The following CTNNA2 variants were observed in gnomAD, a reference collection of about 807,000 sequenced individuals.
CTNNA2 encodes catenin alpha-2.
In CTNNA2, 42 loss-of-function variants were observed where a neutral mutation model predicts 101.0. The observed-to-expected ratio is 0.42, with a 90% confidence interval of 0.32 to 0.54. CTNNA2 has a LOEUF of 0.54. Among genes scored for constraint, CTNNA2 ranks in the 20% least tolerant of loss-of-function variants. The pLI is 0.14. For missense variants in CTNNA2, 871 were observed against 1,223.1 expected (o/e 0.71, Z 4.29); for synonymous variants, 450 against 456.4 (o/e 0.99, Z 0.18).
At chr2:80,006,530 G>A (rs1275995222) in intron 7 of CTNNA2, among the ~76,000 whole-genome samples, 1 of 152,060 alleles carries the variant, frequency 6.6e-6, no homozygotes, top group Non-Finnish European at 1.5e-5. Context: ...ATGTTGGTCA[G>A]GCTGGTCTCG....
intron 1 of CTNNA2, among the ~76,000 whole-genome samples, chr2:79,577,367 A>G (rs1675864450): frequency 6.6e-6 from 1 of 152,116 alleles, no homozygotes; most frequent in South Asian, 2.1e-4. Flanking sequence ...AAGTTTAGTC[A>G]AGTTTCATGA....
chr2:79,699,551 A>G (rs1684854173), intron 2 of CTNNA2, among the ~76,000 whole-genome samples: 1 of 151,934 alleles, frequency 6.6e-6, no homozygotes, highest in Admixed American at 6.6e-5. Context: ...TAATGGAATA[A>G]GGAAGTGGGG....
intron 7 of CTNNA2, among the ~76,000 whole-genome samples, chr2:79,986,046 G>A (rs1325356201): frequency 6.6e-6 from 1 of 152,146 alleles, no homozygotes; most frequent in Non-Finnish European, 1.5e-5. Flanking sequence ...TGGGATAGGT[G>A]AGTTTGCTTT....
In CTNNA2 at chr2:79,747,389, T is replaced by C. The variant is rs146162628; in HGVS notation, c.298+2807T>C. 3.3e-3 allele frequency among the ~76,000 whole-genome samples: 503 copies of C among 152,286 alleles called. 3 individuals are homozygous for C. The highest frequency in any genetic ancestry group is 0.011 in the African/African-American group (463 of 41,564). Reference sequence around the variant, plus strand: ...AGGTTGACTGCCATATAATAAACTGTATGCACTTAAAATTTACAATATGAT... The same window carrying C: ...AGGTTGACTGCCATATAATAAACTGCATGCACTTAAAATTTACAATATGAT... On this transcript the variant is annotated intron_variant, in intron 3 of 18. Transcript: ENST00000402739.
chr2:80,186,210 A>G (rs1403713929), intron 7 of CTNNA2, among the ~76,000 whole-genome samples: 1 of 152,218 alleles, frequency 6.6e-6, no homozygotes, highest in Non-Finnish European at 1.5e-5. Flanking sequence ...ACTCTAAAAA[A>G]CTGTCAACTC....
intron 9 of CTNNA2, among the ~76,000 whole-genome samples, chr2:80,524,245 A>G (rs1413207324): frequency 1.3e-5 from 2 of 152,150 alleles, no homozygotes; most frequent in African/African-American, 2.4e-5. Context: ...TCTCATCTGT[A>G]AATTAGGGGT....
intron 9 of CTNNA2, among the ~76,000 whole-genome samples, chr2:80,536,130 C>T (rs979413582): frequency 1.3e-5 from 2 of 152,142 alleles, no homozygotes; most frequent in Non-Finnish European, 2.9e-5. Context: ...TCTGTAGGAA[C>T]CTTGTGGTTC....
At chr2:80,018,505 C>T (rs565873029) in intron 7 of CTNNA2, among the ~76,000 whole-genome samples, 5 of 152,128 alleles carry the variant, frequency 3.3e-5, no homozygotes, top group East Asian at 3.9e-4. Flanking sequence ...GGCCGGGCAC[C>T]GTGGCTCATG....
At chr2:79,386,188 C>T (rs975208669) in intron 4 of CTNNA2, among the ~76,000 whole-genome samples, 6 of 152,178 alleles carry the variant, frequency 3.9e-5, no homozygotes, top group African/African-American at 1.4e-4. Context: ...TAACACATAT[C>T]TCCGTAATGC....
chr2:79,972,374 T>C (rs1690544718), intron 7 of CTNNA2, among the ~76,000 whole-genome samples: 1 of 151,684 alleles, frequency 6.6e-6, no homozygotes, highest in Admixed American at 6.6e-5. Flanking sequence ...CAAGCAAGAG[T>C]GGTGAGTATA....
At chr2:79,802,248 GA>G (rs1231419947) in intron 3 of CTNNA2, among the ~76,000 whole-genome samples, 4 of 152,128 alleles carry the variant, frequency 2.6e-5, no homozygotes, top group Non-Finnish European at 2.9e-5. Context: ...AGGGATCACA[GA>G]AAGCTTCTAG....
chr2:80,061,260 G>A lies in CTNNA2; in HGVS notation c.1056+151463G>A, dbSNP rs1352751810. ...AATGAAGTAAATACAAAAACAAGAG[G>A]CAAAACTGTGCATGCGTTATGTTCC... On this transcript the variant is annotated intron_variant, in intron 7 of 18. Coordinates refer to ENST00000402739, the MANE Select transcript of CTNNA2 (RefSeq NM_001282597.3). Among the ~76,000 whole-genome samples the A allele has an allele frequency of 2.0e-5, 3 of 152,082 alleles. No homozygotes were observed. The East Asian group carries it at 5.8e-4, about 29-fold the overall frequency.
intron 1 of CTNNA2, among the ~76,000 whole-genome samples, chr2:79,515,307 G>T (rs1558690672): frequency 6.6e-6 from 1 of 152,204 alleles, no homozygotes; most frequent in Non-Finnish European, 1.5e-5. Flanking sequence ...TGAAACAAGT[G>T]AAAGACTGTC....
intron 3 of CTNNA2, among the ~76,000 whole-genome samples, chr2:79,371,118 G>C (rs532450879): frequency 7.1e-6 from 1 of 141,068 alleles, no homozygotes; most frequent in Non-Finnish European, 1.5e-5. Flanking sequence ...ATAACTTCTA[G>C]CATGGTTCTG....
At chr2:80,110,203 TC>T (rs1445512809) in intron 7 of CTNNA2, among the ~76,000 whole-genome samples, 6 of 152,188 alleles carry the variant, frequency 3.9e-5, no homozygotes, top group East Asian at 1.9e-4. Context: ...ATCTTGTTCT[TC>T]TCTACAGGGC....
intron 3 of CTNNA2, among the ~76,000 whole-genome samples, chr2:79,795,969 T>G (rs1675667631): frequency 6.6e-6 from 1 of 152,210 alleles, no homozygotes; most frequent in Non-Finnish European, 1.5e-5. Flanking sequence ...GGTCAGTATG[T>G]CTGGAAACGG....
chr2:80,252,583 A>G (rs1671850837), intron 7 of CTNNA2, among the ~76,000 whole-genome samples: 1 of 152,188 alleles, frequency 6.6e-6, no homozygotes, highest in Non-Finnish European at 1.5e-5. Flanking sequence ...TTTCTAAAAC[A>G]GCTCGATAAA....
intron 16 of CTNNA2, among the ~76,000 whole-genome samples, chr2:80,605,930 C>T (rs1697965625): frequency 6.6e-6 from 1 of 151,864 alleles, no homozygotes; most frequent in Non-Finnish European, 1.5e-5. Context: ...CAATATCAAC[C>T]ATGAGGCTTC....
At chr2:80,627,799 T>C (rs1671838197) in intron 18 of CTNNA2, among the ~76,000 whole-genome samples, 1 of 152,198 alleles carries the variant, frequency 6.6e-6, no homozygotes, top group Admixed American at 6.6e-5. Context: ...GTGTCCTGAA[T>C]GGTATTGCCT....
Sources: gnomAD v4.1 joint callset for allele counts (sites outside exome capture counted in the v4.1 genomes callset) on GRCh38, gnomAD v4.1.1 for gene constraint, MANE v1.5 for transcripts, NCBI Gene and HGNC (gene_info 2026-07-23, HGNC 2026-07-21) for gene names.